Variants in SLC12A7 observed in about 807,000 individuals in gnomAD.
SLC12A7 encodes the protein solute carrier family 12 member 7.
In SLC12A7, 100 loss-of-function variants were observed where a neutral mutation model predicts 120.6. The ratio of observed to expected loss-of-function variants is 0.83; its 90% CI spans 0.71 to 0.98. The LOEUF is 0.98. SLC12A7 is among the 50% of genes least tolerant of loss of function. The probability of loss-of-function intolerance (pLI) is 0.00; values close to 1 mark genes in which losing one functional copy is unlikely to be tolerated. For missense variants in SLC12A7, 1,373 were observed against 1,548.1 expected (o/e 0.89, Z 1.90); for synonymous variants, 760 against 678.0 (o/e 1.12, Z -1.88).
chr5:1,101,454 G>A (rs1193371104), intron 1 of SLC12A7, among the ~76,000 whole-genome samples: 1 of 152,132 alleles, frequency 6.6e-6, no homozygotes, highest in Non-Finnish European at 1.5e-5. Context: ...GTGGGTCCCT[G>A]AGACCTTGGA....
At chr5:1,104,891 C>T (rs1000252990) in intron 1 of SLC12A7, among the ~76,000 whole-genome samples, 1 of 152,248 alleles carries the variant, frequency 6.6e-6, no homozygotes, top group African/African-American at 2.4e-5. Context: ...ACCACTCGGA[C>T]CCCGAGACCC....
intron 17 of SLC12A7, among the ~76,000 whole-genome samples, chr5:1,067,684 G>A (rs1737200738): frequency 6.6e-6 from 1 of 152,254 alleles, no homozygotes; most frequent in Non-Finnish European, 1.5e-5. Flanking sequence ...AGGAGTCGGA[G>A]CTGGGGATCT....
At position 1,105,270 on chromosome 5, in the gene SLC12A7, G is replaced by A. The variant is rs531644061; in HGVS notation, c.124+6598C>T. Among the ~76,000 whole-genome samples the A allele has an allele frequency of 1.5e-4, 21 of 143,074 alleles. No homozygotes were observed. In the South Asian group the frequency reaches 2.1e-3, roughly 14 times the overall value. 93.9% of individuals were successfully genotyped at this position (143,074 alleles called of 152,430 possible). On this transcript the variant is annotated intron_variant, in intron 1 of 23. Coordinates refer to ENST00000264930, the MANE Select transcript of SLC12A7 (RefSeq NM_006598.3). ...CCACCAGCCAAAGGGAACCCTCCCC[G>A]CAGGGGTTAGGTCCTGCAGTCACCC...
Position 1,079,450 on chromosome 5 carries a change from C to A in SLC12A7, c.1344G>T (p.Gln448His). The change falls in exon 10 of 24, where the codon CAG becomes CAT. Residue 448 changes from glutamine (Q) to histidine (H), a missense_variant. By Grantham distance (24) the Gln-to-His change is conservative (BLOSUM62 0). Transcript: ENST00000264930. ...GGATGGTCCCCGTGGGGATGGACTTCTGTGCATCCTTGAGGTCCCCGGACC... is the reference window on the plus strand; with the variant it reads ...GGATGGTCCCCGTGGGGATGGACTTATGTGCATCCTTGAGGTCCCCGGACC... ...SNRSGDLKDA[Q>H]KSIPTGTILA... 1 of 1,612,848 alleles carries A rather than the reference C, an allele frequency of 6.2e-7. No homozygotes were observed. The highest frequency in any genetic ancestry group is 8.5e-7 in the Non-Finnish European group (1 of 1,179,898).
intron 23 of SLC12A7, 146 bp downstream of exon 23, chr5:1,053,203 T>C: frequency 9.4e-7 from 1 of 1,063,142 alleles, no homozygotes; most frequent in South Asian, 1.6e-5. Context: ...AGAGCCCCAC[T>C]GCATCCCGGT....
chr5:1,137,028 C>T, the SLC12A7 span, among the ~76,000 whole-genome samples: 4 of 152,024 alleles, frequency 2.6e-5, no homozygotes, highest in South Asian at 4.1e-4. Flanking sequence ...GACACACACA[C>T]GTGCTCACAC....
chr5:1,052,520 G>A (rs1735155201), intron 23 of SLC12A7, 69 bp from the exon 24 acceptor site: 1 of 1,320,544 alleles, frequency 7.6e-7, no homozygotes, highest in East Asian at 2.3e-5. Flanking sequence ...CGTGATAGGA[G>A]TGAGGTTTAT....
chr5:1,054,995 G>C (rs1293204061), intron 22 of SLC12A7, among the ~76,000 whole-genome samples: 2 of 152,224 alleles, frequency 1.3e-5, no homozygotes, highest in African/African-American at 2.4e-5. Context: ...AGGGGGGTCG[G>C]AGTGGGCAGC....
chr5:1,108,785 T>C (rs1438080460), intron 1 of SLC12A7, among the ~76,000 whole-genome samples: 4 of 152,164 alleles, frequency 2.6e-5, no homozygotes, highest in African/African-American at 9.6e-5. Flanking sequence ...GCGGCAGCTC[T>C]AGCTGTCCTC....
At chr5:1,121,260 C>T in the SLC12A7 span, among the ~76,000 whole-genome samples, 9 of 152,208 alleles carry the variant, frequency 5.9e-5, no homozygotes, top group African/African-American at 1.7e-4. Flanking sequence ...CAGCTGTCTC[C>T]GTCCCAAGGC....
rs118136034 is a variant in SLC12A7, at chr5:1,064,801, C to T, written c.2437+482G>A. Among the ~76,000 whole-genome samples the T allele has an allele frequency of 2.8e-4, 37 of 132,054 alleles. No individual in the cohort carries two copies. In the East Asian group the frequency reaches 7.7e-3, roughly 28 times the overall value. The allele number at this position is 132,054 out of a possible 152,430, so 86.6% of individuals were successfully genotyped here. On this transcript the variant is annotated intron_variant, in intron 18 of 23. Coordinates refer to ENST00000264930, the MANE Select transcript of SLC12A7 (RefSeq NM_006598.3). ...GGACGGTGAGGGGACAGCGAGGAGACGGCGAGGGGACAGTGAGGGAACGGC... is the reference window on the plus strand; with the variant it reads ...GGACGGTGAGGGGACAGCGAGGAGATGGCGAGGGGACAGTGAGGGAACGGC...
chr5:1,130,450 GC>G, the SLC12A7 span, among the ~76,000 whole-genome samples: 1 of 126,790 alleles, frequency 7.9e-6, no homozygotes, highest in Admixed American at 8.0e-5. Flanking sequence ...TGAAAGCCCC[GC>G]CCCCACCCCA....
the SLC12A7 span, among the ~76,000 whole-genome samples, chr5:1,149,413 CTAAAAATA>C: frequency 6.6e-6 from 1 of 151,780 alleles, no homozygotes; most frequent in Non-Finnish European, 1.5e-5. Flanking sequence ...CGCATCTCTA[CTAAAAATA>C]TAAAAATTAG....
At position 1,079,961 on chromosome 5, in the gene SLC12A7, C is replaced by T. The variant is rs1369544288; in HGVS notation, c.1298-465G>A. The stretch of plus-strand genomic sequence containing the variant: ...GGCACCACCTTGCTCTAGGGAGCCA[C>T]GGCCGGGGATGTTTCCACACAATCG... On this transcript the variant is annotated intron_variant, in intron 9 of 23. Coordinates refer to ENST00000264930, the MANE Select transcript of SLC12A7 (RefSeq NM_006598.3). 2.6e-5 allele frequency among the ~76,000 whole-genome samples: 4 copies of T among 152,364 alleles called. No homozygotes were observed. The South Asian group carries it at 8.3e-4, about 32-fold the overall frequency.
chr5:1,074,348 G>T (rs932113431), intron 16 of SLC12A7, among the ~76,000 whole-genome samples: 21 of 152,168 alleles, frequency 1.4e-4, no homozygotes, highest in African/African-American at 5.1e-4. Flanking sequence ...GGCTGTGCTG[G>T]CAGAGGGGCC....
the SLC12A7 span, among the ~76,000 whole-genome samples, chr5:1,125,271 G>A: frequency 1.3e-5 from 1 of 78,708 alleles, no homozygotes; most frequent in African/African-American, 1.3e-4. Context: ...AAACGAAAGT[G>A]TGTGTGTGTG....
In SLC12A7 at chr5:1,083,886, G is replaced by A. The variant is rs1223588145; in HGVS notation, c.988C>T (p.His330Tyr). The change falls in exon 8 of 24, where the codon CAC becomes TAC. Residue 330 changes from histidine (H) to tyrosine (Y), a missense_variant. By Grantham distance (83) the His-to-Tyr change is moderately conservative. Transcript: ENST00000264930. ...FDACVKAYGI[H>Y]NNSATSALWG... ...AGCGCGGAGGTGGCTGAGTTGTTGTGGATGCCGTAGGCCTTGACGCAGGCA... is the reference window on the plus strand; with the variant it reads ...AGCGCGGAGGTGGCTGAGTTGTTGTAGATGCCGTAGGCCTTGACGCAGGCA... The A allele has an allele frequency of 1.2e-6, 2 of 1,608,314 alleles. No individual in the cohort carries two copies. The highest frequency in any genetic ancestry group is 2.2e-5 in the South Asian group (2 of 90,646).
chr5:1,092,890 T>C (rs1740678374), intron 3 of SLC12A7, among the ~76,000 whole-genome samples: 2 of 152,178 alleles, frequency 1.3e-5, no homozygotes, highest in Admixed American at 1.3e-4. Context: ...TTCTCGCCTG[T>C]GAGCGTCACC....
At chr5:1,147,250 A>ACCCCCC in the SLC12A7 span, among the ~76,000 whole-genome samples, 11 of 108,674 alleles carry the variant, frequency 1.0e-4, no homozygotes, top group Admixed American at 1.9e-4. Flanking sequence ...CCACCCCGCC[A>ACCCCCC]CCCCCCCCGC....
Sources: allele counts gnomAD v4.1 joint callset (sites outside exome capture counted in the v4.1 genomes callset), GRCh38; gene constraint gnomAD v4.1.1; transcripts MANE v1.5; gene names NCBI Gene and HGNC (gene_info 2026-07-23, HGNC 2026-07-21).